Variants in MFSD11 observed in about 807,000 individuals in gnomAD.
The protein encoded by MFSD11 is major facilitator superfamily domain containing 11.
MFSD11 carries 36 observed loss-of-function variants against 53.5 expected under a neutral mutation model. The observed-to-expected ratio is 0.67, with a 90% CI of 0.52 to 0.89. The LOEUF is 0.89. Ranked by LOEUF, MFSD11 falls within the 40% of genes least tolerant of loss-of-function variation. The pLI is 0.00. For missense variants in MFSD11, 530 were observed against 543.9 expected, an observed-to-expected ratio of 0.97 and a Z score of 0.25; for synonymous variants, 186 against 184.9, an observed-to-expected ratio of 1.01 and a Z score of -0.05.
chr17:76,777,138 C>T lies in MFSD11; in HGVS notation c.1185+597C>T, dbSNP rs980455651. Among the ~76,000 whole-genome samples, 9 of 152,138 alleles carry T rather than the reference C, an allele frequency of 5.9e-5. No individual in the cohort carries two copies. The South Asian group carries it at 6.2e-4, about 11-fold the overall frequency. On this transcript the variant is annotated intron_variant, in intron 12 of 12. Coordinates refer to ENST00000685175, the MANE Select transcript of MFSD11 (RefSeq NM_001242532.5). ...AAAAAATTAGCCGGGCGTGGTGGCACGTGCCTGTAGTCCCAGCTACTTGGG... is the reference window on the plus strand; with the variant it reads ...AAAAAATTAGCCGGGCGTGGTGGCATGTGCCTGTAGTCCCAGCTACTTGGG...
intron 8 of MFSD11, among the ~76,000 whole-genome samples, chr17:76,764,062 A>C (rs2080555555): frequency 6.6e-6 from 1 of 151,858 alleles, no homozygotes; most frequent in Admixed American, 6.6e-5. Flanking sequence ...ATGGGGTTTT[A>C]CCATGTTGGC....
At chr17:76,737,264 A>G (rs748381992), upstream of MFSD11, 2 of 1,419,670 alleles carry the variant, frequency 1.4e-6, no homozygotes, top group Non-Finnish European at 1.9e-6. Flanking sequence ...GCGTGGGGAC[A>G]CTGGGAAAGG....
At position 76,750,287 on chromosome 17, in the gene MFSD11, G is replaced by T. The variant is rs149939733; in HGVS notation, c.642-3760G>T. Among the ~76,000 whole-genome samples the T allele has an allele frequency of 8.6e-3, 1,304 of 152,066 alleles. 21 individuals carry two copies. The highest frequency in any genetic ancestry group is 0.029 in the African/African-American group (1,204 of 41,462). On this transcript the variant is annotated intron_variant, in intron 7 of 12. Coordinates refer to ENST00000685175, the MANE Select transcript of MFSD11 (RefSeq NM_001242532.5). ...TGGCATCTAAATAGTATTTGCTTCC[G>T]GGCAAGGCATGAGTTTTATGATGAG... is the stretch of plus-strand genomic sequence containing the variant.
chr17:76,738,866 G>A lies in MFSD11; in HGVS notation c.97-72G>A, dbSNP rs1480449854. The A allele has an allele frequency of 4.4e-6, 5 of 1,135,806 alleles. No individual in the cohort carries two copies. The East Asian group carries it at 9.4e-5, about 21-fold the overall frequency. 70.4% of individuals were successfully genotyped at this position (1,135,806 alleles called of 1,614,324 possible). On this transcript the variant is annotated intron_variant, in intron 1 of 12. Transcript: ENST00000685175. ...TACTTTATTCTCTTGCTGAGTACTT[G>A]GAGTCACACTTCCCAAGGGTGGGAG...
chr17:76,775,894 A>G (rs1470551474), intron 11 of MFSD11, among the ~76,000 whole-genome samples: 1 of 152,240 alleles, frequency 6.6e-6, no homozygotes, highest in African/African-American at 2.4e-5. Flanking sequence ...GGTTGAGACC[A>G]GAGTTTGTTA....
chr17:76,756,762 AG>A (rs1307128186), intron 8 of MFSD11, among the ~76,000 whole-genome samples: 1 of 151,396 alleles, frequency 6.6e-6, no homozygotes, highest in Non-Finnish European at 1.5e-5. Context: ...CAGGAGGCTG[AG>A]GCTGGAGAAT....
the MFSD11 span, among the ~76,000 whole-genome samples, chr17:76,787,362 C>G: frequency 1.3e-5 from 2 of 149,666 alleles, no homozygotes; most frequent in Non-Finnish European, 3.0e-5. Flanking sequence ...GTCTTGAACT[C>G]CTGACCTCAG....
upstream of MFSD11, chr17:76,737,469 G>C: frequency 2.8e-6 from 1 of 363,350 alleles, no homozygotes; most frequent in Non-Finnish European, 5.0e-6. Flanking sequence ...GCCCCTACCC[G>C]AAGCGCCTGC....
At chr17:76,784,830 CAG>C (rs1481867382), downstream of MFSD11, among the ~76,000 whole-genome samples, 1 of 152,088 alleles carries the variant, frequency 6.6e-6, no homozygotes, top group Non-Finnish European at 1.5e-5. Flanking sequence ...ACCCAGGAGA[CAG>C]AGGTTACATC....
intron 2 of MFSD11, among the ~76,000 whole-genome samples, chr17:76,739,339 C>G (rs1268976467): frequency 6.6e-6 from 1 of 152,188 alleles, no homozygotes; most frequent in Non-Finnish European, 1.5e-5. Context: ...TTAGAATTCC[C>G]AGTCCTATAG....
the MFSD11 span, among the ~76,000 whole-genome samples, chr17:76,787,452 C>T: frequency 6.7e-6 from 1 of 149,982 alleles, no homozygotes; most frequent in Non-Finnish European, 1.5e-5. Flanking sequence ...TGAGTGATTT[C>T]AGTAGAACAC....
intron 7 of MFSD11, among the ~76,000 whole-genome samples, chr17:76,748,935 C>A (rs2078795165): frequency 6.6e-6 from 1 of 151,626 alleles, no homozygotes; most frequent in Non-Finnish European, 1.5e-5. Flanking sequence ...TTTCTTCCTT[C>A]CCCTATATTT....
At chr17:76,753,545 C>A (rs1002514084) in intron 7 of MFSD11, among the ~76,000 whole-genome samples, 4 of 151,876 alleles carry the variant, frequency 2.6e-5, no homozygotes, top group African/African-American at 9.7e-5. Flanking sequence ...TGGTGGGACC[C>A]ACCTGTAATC....
chr17:76,745,093 C>T (rs945026559), intron 7 of MFSD11, among the ~76,000 whole-genome samples: 2 of 152,188 alleles, frequency 1.3e-5, no homozygotes, highest in African/African-American at 4.8e-5. Context: ...GGCTAGTGAT[C>T]TGCAGTATCA....
chr17:76,765,452 CTTTTTTTTTTT>C (rs59878271), intron 8 of MFSD11, among the ~76,000 whole-genome samples: 19 of 91,470 alleles, frequency 2.1e-4, no homozygotes, highest in African/African-American at 5.5e-4. Flanking sequence ...CTTGAATTTC[CTTTTTTTTTTT>C]TTTTTTTTTT....
intron 7 of MFSD11, among the ~76,000 whole-genome samples, chr17:76,746,460 A>G (rs237051): frequency 0.9 from 137,131 of 152,292 alleles, 63,435 homozygotes; most frequent in Non-Finnish European, 1. Context: ...TTTTCAATGT[A>G]GACCAAACAG....
chr17:76,769,956 C>T (rs2081242040), intron 10 of MFSD11, 85 bp downstream of exon 10: 1 of 1,258,570 alleles, frequency 7.9e-7, no homozygotes, highest in Non-Finnish European at 1.1e-6. Context: ...TCACCTTTGT[C>T]CTTGAATTTC....
chr17:76,772,502 C>T (rs1039483475), intron 10 of MFSD11, among the ~76,000 whole-genome samples: 1 of 150,528 alleles, frequency 6.6e-6, no homozygotes, highest in Non-Finnish European at 1.5e-5. Flanking sequence ...TGTTAACGCT[C>T]TACCTTAGTA....
chr17:76,760,536 T>TA (rs1021629777), intron 8 of MFSD11, among the ~76,000 whole-genome samples: 1 of 151,822 alleles, frequency 6.6e-6, no homozygotes, highest in African/African-American at 2.4e-5. Flanking sequence ...TCTTTTTTTT[T>TA]TTTAAACGGA....
Sources: gnomAD v4.1 joint callset for allele counts (sites outside exome capture counted in the v4.1 genomes callset) on GRCh38, gnomAD v4.1.1 for gene constraint, MANE v1.5 for transcripts, NCBI Gene and HGNC (gene_info 2026-07-23, HGNC 2026-07-21) for gene names.